Variants in NT5E observed in about 807,000 individuals in gnomAD.
NT5E encodes 5'-nucleotidase ecto.
NT5E carries 53 observed loss-of-function variants against 55.1 expected under a neutral mutation model. The ratio of observed to expected loss-of-function variants is 0.96; its 90% CI spans 0.77 to 1.21. The LOEUF is 1.21. Among genes scored for constraint, NT5E ranks in the 50% most tolerant of loss-of-function variants. The probability of loss-of-function intolerance (pLI) is 0.00; values close to 1 mark genes in which losing one functional copy is unlikely to be tolerated. For synonymous variants in NT5E, 270 were observed against 278.4 expected, an observed-to-expected ratio of 0.97 and a Z score of 0.30; for missense variants, 683 against 724.3, an observed-to-expected ratio of 0.94 and a Z score of 0.65.
intron 4 of NT5E, among the ~76,000 whole-genome samples, chr6:85,485,994 G>T (rs1769649395): frequency 6.6e-6 from 1 of 152,214 alleles, no homozygotes; most frequent in African/African-American, 2.4e-5. Context: ...TGAAAGCTGG[G>T]TCCAGGGGGG....
At chr6:85,472,592 A>G (rs1260636648) in intron 3 of NT5E, among the ~76,000 whole-genome samples, 3 of 152,202 alleles carry the variant, frequency 2.0e-5, no homozygotes, top group Non-Finnish European at 4.4e-5. Context: ...GGGGATGATC[A>G]TGCTCAAAGT....
At chr6:85,468,080 G>A (rs1465348127) in intron 2 of NT5E, among the ~76,000 whole-genome samples, 5 of 152,094 alleles carry the variant, frequency 3.3e-5, no homozygotes, top group Non-Finnish European at 7.4e-5. Context: ...AAGAAAAAAA[G>A]GGAAAATAGG....
intron 3 of NT5E, among the ~76,000 whole-genome samples, chr6:85,484,496 G>T (rs537483901): frequency 2.0e-5 from 3 of 152,294 alleles, no homozygotes; most frequent in Non-Finnish European, 4.4e-5. Flanking sequence ...TGAGACAGAG[G>T]CCTGCAGAAC....
intron 2 of NT5E, among the ~76,000 whole-genome samples, chr6:85,468,786 G>T (rs549332655): frequency 8.6e-5 from 13 of 151,950 alleles, no homozygotes; most frequent in African/African-American, 3.1e-4. Context: ...GGAGGTGCAG[G>T]TCTTGGTGGA....
intron 3 of NT5E, among the ~76,000 whole-genome samples, chr6:85,482,745 G>T (rs1208718039): frequency 6.6e-6 from 1 of 152,222 alleles, no homozygotes; most frequent in Non-Finnish European, 1.5e-5. Flanking sequence ...CAGATGTGTA[G>T]CTCTTTGTGG....
At chr6:85,464,841 G>T (rs1289823630) in intron 1 of NT5E, among the ~76,000 whole-genome samples, 1 of 152,150 alleles carries the variant, frequency 6.6e-6, no homozygotes, top group Non-Finnish European at 1.5e-5. Flanking sequence ...GATGGTGAGG[G>T]AGAGGGAAGA....
rs901280556 is a variant in NT5E at position 85,484,798 on chromosome 6, A to G, written c.752-437A>G. Among the ~76,000 whole-genome samples the G allele has an allele frequency of 2.6e-5, 4 of 152,166 alleles. No individual in the cohort carries two copies. The East Asian group carries it at 5.8e-4, about 22-fold the overall frequency. On this transcript the variant is annotated intron_variant, in intron 3 of 8. Coordinates refer to ENST00000257770, the MANE Select transcript of NT5E (RefSeq NM_002526.4). ...CCCAGCTAGGGAGTTTAGATATTTA[A>G]TCCTCTCAGCTGCCCTGTAAAATAG...
chr6:85,451,335 A>G (rs1340964199), intron 1 of NT5E, among the ~76,000 whole-genome samples: 1 of 152,200 alleles, frequency 6.6e-6, no homozygotes, highest in Non-Finnish European at 1.5e-5. Flanking sequence ...GAGATTTAGG[A>G]AGAGTCCAAC....
chr6:85,457,068 T>C (rs1000528088), intron 1 of NT5E, among the ~76,000 whole-genome samples: 1 of 152,078 alleles, frequency 6.6e-6, no homozygotes, highest in Non-Finnish European at 1.5e-5. Flanking sequence ...AAAAGATGAT[T>C]ATGAGGGTTC....
At chr6:85,491,378 T>A (rs1769779943) in intron 7 of NT5E, 1 of 324,246 alleles carries the variant, frequency 3.1e-6, no homozygotes, top group South Asian at 2.5e-5. Flanking sequence ...GCTTGACAGA[T>A]AGAATTGCTT....
chr6:85,485,807 C>T (rs939524655), intron 4 of NT5E, among the ~76,000 whole-genome samples: 1 of 152,210 alleles, frequency 6.6e-6, no homozygotes, highest in Admixed American at 6.5e-5. Flanking sequence ...AGGCAGTGTG[C>T]CTTAGGCAAG....
intron 8 of NT5E, among the ~76,000 whole-genome samples, chr6:85,493,023 G>A (rs916261308): frequency 2.0e-5 from 3 of 152,146 alleles, no homozygotes; most frequent in Non-Finnish European, 2.9e-5. Context: ...AAAGCCCCAT[G>A]AGACAAAGAG....
rs888801408 is a variant in NT5E at position 85,456,339 on chromosome 6, C to T, written c.339+5861C>T. ...AAAGTGCTTTCCAAGTTCTGTGACT[C>T]GTTCTAGCCAATTATCAATCCCAAG... On this transcript the variant is annotated intron_variant, in intron 1 of 8. Transcript: ENST00000257770. Among the ~76,000 whole-genome samples, 4 of 152,140 alleles carry T rather than the reference C, an allele frequency of 2.6e-5. No homozygotes were observed. The East Asian group carries it at 7.7e-4, about 29-fold the overall frequency.
intron 1 of NT5E, 55 bp from the exon 2 acceptor site, chr6:85,467,004 AC>A: frequency 3.4e-6 from 5 of 1,483,212 alleles, no homozygotes; most frequent in Non-Finnish European, 4.7e-6. Flanking sequence ...GAAATACTGG[AC>A]TAATGTTATG....
At chr6:85,469,820 G>C (rs1467861393) in intron 2 of NT5E, among the ~76,000 whole-genome samples, 1 of 152,238 alleles carries the variant, frequency 6.6e-6, no homozygotes, top group Non-Finnish European at 1.5e-5. Context: ...CCCTGGCTAT[G>C]ATGTCAGCCA....
At chr6:85,483,316 C>G (rs995293885) in intron 3 of NT5E, among the ~76,000 whole-genome samples, 15 of 152,240 alleles carry the variant, frequency 9.9e-5, no homozygotes, top group African/African-American at 3.6e-4. Flanking sequence ...CATCTATGAT[C>G]AGAGGAACTG....
chr6:85,484,443 C>CATACTCCA (rs2127724110), intron 3 of NT5E, among the ~76,000 whole-genome samples: 1 of 152,252 alleles, frequency 6.6e-6, no homozygotes, highest in South Asian at 2.1e-4. Context: ...CAGTGGTGGG[C>CATACTCCA]CTCCTAGCCT....
intron 2 of NT5E, among the ~76,000 whole-genome samples, chr6:85,468,890 T>C (rs1769247915): frequency 6.6e-6 from 1 of 152,060 alleles, no homozygotes; most frequent in East Asian, 1.9e-4. Context: ...AAAGTGACAC[T>C]GCTGTTTCCA....
At chr6:85,452,986 G>C (rs1768916772) in intron 1 of NT5E, among the ~76,000 whole-genome samples, 1 of 152,138 alleles carries the variant, frequency 6.6e-6, no homozygotes, top group South Asian at 2.1e-4. Flanking sequence ...CTAGAATCCA[G>C]CTAAAACACA....
Sources: gnomAD v4.1 joint callset for allele counts (sites outside exome capture counted in the v4.1 genomes callset) on GRCh38, gnomAD v4.1.1 for gene constraint, MANE v1.5 for transcripts, NCBI Gene and HGNC (gene_info 2026-07-23, HGNC 2026-07-21) for gene names.